The following SIPA1L1 variants were observed in gnomAD, a reference collection of about 807,000 sequenced individuals.
SIPA1L1 encodes the protein signal induced proliferation associated 1 like 1.
SIPA1L1 carries 26 observed loss-of-function variants against 162.7 expected under a neutral mutation model. That is an observed-to-expected ratio of 0.16 (90% confidence interval 0.12 to 0.22). SIPA1L1 has a LOEUF of 0.22. Among genes scored for constraint, SIPA1L1 ranks in the 10% least tolerant of loss-of-function variants. The pLI is 1.00. For synonymous variants in SIPA1L1, 829 were observed against 837.4 expected (o/e 0.99, Z 0.17); for missense variants, 1,874 against 2,241.0 (o/e 0.84, Z 3.31).
chr14:71,568,374 A>G (rs534799148), intron 4 of SIPA1L1, among the ~76,000 whole-genome samples: 23 of 152,308 alleles, frequency 1.5e-4, no homozygotes, highest in Non-Finnish European at 2.8e-4. Context: ...GGTGTCTTGT[A>G]TCCAGGGAAT....
chr14:71,336,860 A>G (rs559457646), intron 2 of SIPA1L1, among the ~76,000 whole-genome samples: 9 of 152,208 alleles, frequency 5.9e-5, no homozygotes, highest in African/African-American at 1.9e-4. Flanking sequence ...CTGATCTGTG[A>G]CCAAGCTTTA....
intron 2 of SIPA1L1, among the ~76,000 whole-genome samples, chr14:71,350,147 G>T (rs183101731): frequency 1.3e-5 from 2 of 152,194 alleles, no homozygotes; most frequent in African/African-American, 4.8e-5. Flanking sequence ...TGATCTGCCT[G>T]CCTTGGCCTC....
At chr14:71,531,367 G>A (rs2053430793) in intron 4 of SIPA1L1, among the ~76,000 whole-genome samples, 1 of 151,402 alleles carries the variant, frequency 6.6e-6, no homozygotes, top group Non-Finnish European at 1.5e-5. Context: ...CAGTAGTACA[G>A]AAGAGGGGTC....
chr14:71,734,138 G>A (rs79538456), intron 21 of SIPA1L1, among the ~76,000 whole-genome samples: 14 of 152,354 alleles, frequency 9.2e-5, no homozygotes, highest in African/African-American at 2.9e-4. Context: ...CTTTCATCAC[G>A]TCGCAAGACA....
At chr14:71,668,202 C>A (rs1262857677) in intron 10 of SIPA1L1, among the ~76,000 whole-genome samples, 2 of 152,202 alleles carry the variant, frequency 1.3e-5, no homozygotes, top group African/African-American at 4.8e-5. Flanking sequence ...ATAGCCTCAT[C>A]ATCTCTTAGG....
chr14:71,575,086 T>G (rs561467914), intron 4 of SIPA1L1: 1 of 152,306 alleles, frequency 6.6e-6, no homozygotes, highest in South Asian at 2.1e-4. Flanking sequence ...TTCAAAATGT[T>G]TCCAATATGA....
At chr14:71,484,350 C>G (rs901716986) in intron 2 of SIPA1L1, among the ~76,000 whole-genome samples, 1 of 147,516 alleles carries the variant, frequency 6.8e-6, no homozygotes, top group African/African-American at 2.5e-5. Context: ...CTTTGATACT[C>G]AAATAAGTAA....
chr14:71,501,783 C>A (rs2050236816), intron 2 of SIPA1L1, among the ~76,000 whole-genome samples: 1 of 152,000 alleles, frequency 6.6e-6, no homozygotes, highest in Admixed American at 6.6e-5. Flanking sequence ...AGCACATTGG[C>A]AGGCCAAGGT....
At chr14:71,443,384 T>C (rs2045073057) in intron 2 of SIPA1L1, among the ~76,000 whole-genome samples, 1 of 152,214 alleles carries the variant, frequency 6.6e-6, no homozygotes, top group African/African-American at 2.4e-5. Flanking sequence ...TGGAAACTGG[T>C]AATATTTAAT....
chr14:71,421,592 T>TC (rs34592380), intron 2 of SIPA1L1, among the ~76,000 whole-genome samples: 133,623 of 152,152 alleles, frequency 0.88, 59,083 homozygotes, highest in African/African-American at 0.95. Flanking sequence ...TGAGACCTTA[T>TC]TCTTAAAAAA....
At chr14:71,686,942 C>G (rs1272912326) in intron 13 of SIPA1L1, among the ~76,000 whole-genome samples, 3 of 152,162 alleles carry the variant, frequency 2.0e-5, no homozygotes, top group African/African-American at 4.8e-5. Flanking sequence ...AAACGGTTCC[C>G]AGATACACGT....
intron 2 of SIPA1L1, among the ~76,000 whole-genome samples, chr14:71,409,792 T>A (rs192966376): frequency 8.5e-5 from 13 of 152,354 alleles, no homozygotes; most frequent in Admixed American, 7.2e-4. Context: ...AAAAGTGTTA[T>A]CTGTAGTGTT....
chr14:71,502,104 G>A (rs959722323), intron 2 of SIPA1L1, among the ~76,000 whole-genome samples: 1 of 119,120 alleles, frequency 8.4e-6, no homozygotes, highest in African/African-American at 3.2e-5. Flanking sequence ...GTGTCATATT[G>A]TAGCCTGGTA....
intron 8 of SIPA1L1, among the ~76,000 whole-genome samples, chr14:71,652,966 A>G (rs2042752134): frequency 6.6e-6 from 1 of 151,814 alleles, no homozygotes; most frequent in Non-Finnish European, 1.5e-5. Context: ...TCCTTTGTAT[A>G]TATTTTACTT....
rs1365912252 is a variant in SIPA1L1, at chr14:71,709,099, C to T, written c.3766-123C>T. 4.1e-6 allele frequency: 3 copies of T among 727,586 alleles called. No individual in the cohort carries two copies. In the African/African-American group the frequency reaches 5.3e-5, roughly 13 times the overall value. 45.1% of individuals were successfully genotyped at this position (727,586 alleles called of 1,614,324 possible). A position where few individuals can be genotyped will look rare whatever the true frequency, so the allele number is the denominator to read the frequency against. ...GGTTCCCTGTCTTACTGTGACTAGT[C>T]ATTATTGGAACTTTTAGGCCTTCAG... On this transcript the variant is annotated intron_variant, in intron 16 of 23. Transcript: ENST00000381232.
intron 4 of SIPA1L1, among the ~76,000 whole-genome samples, chr14:71,556,462 G>C (rs1307382014): frequency 6.6e-6 from 1 of 152,200 alleles, no homozygotes; most frequent in African/African-American, 2.4e-5. Flanking sequence ...TTACATCTTT[G>C]GACATCATTG....
At position 71,411,571 on chromosome 14, in the gene SIPA1L1, C is replaced by T. The variant is rs148876483; in HGVS notation, c.-465+90390C>T. Among the ~76,000 whole-genome samples, 131 of 152,322 alleles carry T rather than the reference C, an allele frequency of 8.6e-4. 1 individual carries two copies. The South Asian group carries it at 8.7e-3, about 10-fold the overall frequency. On this transcript the variant is annotated intron_variant, in intron 2 of 23. Transcript: ENST00000381232. ...CTAGAACTTATGTTAGCCTCTTCTA[C>T]TCCGTTTCAGCTTTGGATAAGCATA...
At chr14:71,638,883 A>G (rs1365712814) in intron 7 of SIPA1L1, among the ~76,000 whole-genome samples, 1 of 152,182 alleles carries the variant, frequency 6.6e-6, no homozygotes, top group Non-Finnish European at 1.5e-5. Flanking sequence ...AAAATACACC[A>G]TTTGCAATCC....
At chr14:71,473,281 TATAAC>T (rs538011034) in intron 2 of SIPA1L1, among the ~76,000 whole-genome samples, 23 of 152,312 alleles carry the variant, frequency 1.5e-4, no homozygotes, top group Admixed American at 8.5e-4. Context: ...GTACAATAAT[TATAAC>T]ATAATATATA....
Sources: gnomAD v4.1 joint callset for allele counts (sites outside exome capture counted in the v4.1 genomes callset) on GRCh38, gnomAD v4.1.1 for gene constraint, MANE v1.5 for transcripts, NCBI Gene and HGNC (gene_info 2026-07-23, HGNC 2026-07-21) for gene names.